ENAH: variants seen among roughly 807,000 people sequenced by gnomAD.
ENAH encodes the protein ENAH actin regulator.
A neutral mutation model predicts 78.7 loss-of-function variants in ENAH; 23 were observed. The ratio of observed to expected loss-of-function variants is 0.29; its 90% confidence interval spans 0.21 to 0.41. The LOEUF is 0.41. Ranked by LOEUF, ENAH falls within the 10% of genes least tolerant of loss-of-function variation. ENAH has a pLI of 1.00. For synonymous variants in ENAH, 226 were observed against 241.0 expected (o/e 0.94, Z 0.58); for missense variants, 544 against 691.0 (o/e 0.79, Z 2.39).
intron 1 of ENAH, among the ~76,000 whole-genome samples, chr1:225,573,773 C>T (rs1474150030): frequency 6.6e-6 from 1 of 152,106 alleles, no homozygotes; most frequent in Non-Finnish European, 1.5e-5. Flanking sequence ...AATGATACTC[C>T]CAGTTAGTAT....
At chr1:225,641,976 G>A (rs1661146803) in intron 1 of ENAH, among the ~76,000 whole-genome samples, 1 of 151,912 alleles carries the variant, frequency 6.6e-6, no homozygotes, top group African/African-American at 2.4e-5. Context: ...AGCCAAGACT[G>A]CACCACTGCA....
At chr1:225,566,140 A>G (rs1156932642) in intron 2 of ENAH, among the ~76,000 whole-genome samples, 3 of 151,232 alleles carry the variant, frequency 2.0e-5, no homozygotes, top group East Asian at 3.9e-4. Flanking sequence ...TTCTCGGGGG[A>G]GCTTCTAAGC....
At chr1:225,517,798 G>A (rs750076018) in intron 5 of ENAH, 18 of 1,551,192 alleles carry the variant, frequency 1.2e-5, no homozygotes, top group Middle Eastern at 3.3e-4. Flanking sequence ...AAAACGTGTC[G>A]CTGAGTGTCG....
intron 4 of ENAH, among the ~76,000 whole-genome samples, chr1:225,525,465 G>A (rs963915414): frequency 7.4e-4 from 112 of 152,208 alleles, no homozygotes; most frequent in Non-Finnish European, 7.4e-5. Context: ...CTATCAACAT[G>A]GTCCAACATA....
chr1:225,572,741 C>A (rs183760212), intron 1 of ENAH, among the ~76,000 whole-genome samples: 2 of 152,154 alleles, frequency 1.3e-5, no homozygotes, highest in African/African-American at 4.8e-5. Flanking sequence ...GAAGCGACTA[C>A]GCAAAAGATT....
chr1:225,517,883 C>T, intron 5 of ENAH: 1 of 1,551,304 alleles, frequency 6.4e-7, no homozygotes, highest in Non-Finnish European at 8.7e-7. Context: ...GCATCTGACA[C>T]TGGAGCTGAG....
At chr1:225,634,411 G>C (rs1659678894) in intron 1 of ENAH, among the ~76,000 whole-genome samples, 1 of 152,162 alleles carries the variant, frequency 6.6e-6, no homozygotes, top group Non-Finnish European at 1.5e-5. Context: ...AGTATGTAGA[G>C]ACATTCTGGT....
At chr1:225,588,151 T>C (rs533959953) in intron 1 of ENAH, among the ~76,000 whole-genome samples, 38 of 152,084 alleles carry the variant, frequency 2.5e-4, no homozygotes, top group African/African-American at 8.4e-4. Context: ...ATAGAGTATA[T>C]AAATTTTTTC....
intron 1 of ENAH, among the ~76,000 whole-genome samples, chr1:225,612,513 G>C (rs1224803411): frequency 6.6e-6 from 1 of 152,122 alleles, no homozygotes; most frequent in Non-Finnish European, 1.5e-5. Flanking sequence ...TAGTGGCAAT[G>C]GTTGCACAAC....
intron 1 of ENAH, among the ~76,000 whole-genome samples, chr1:225,619,756 G>T (rs1575750587): frequency 6.6e-6 from 1 of 152,210 alleles, no homozygotes; most frequent in Non-Finnish European, 1.5e-5. Flanking sequence ...CAGCTATCAG[G>T]TCAATTCTGC....
intron 1 of ENAH, among the ~76,000 whole-genome samples, chr1:225,583,447 A>G (rs1312861052): frequency 4.0e-5 from 6 of 151,284 alleles, no homozygotes; most frequent in Non-Finnish European, 8.8e-5. Flanking sequence ...AAAAAAAAAA[A>G]AAAAAAGAGA....
intron 3 of ENAH, among the ~76,000 whole-genome samples, chr1:225,531,649 C>A (rs1319495167): frequency 6.6e-6 from 1 of 152,062 alleles, no homozygotes; most frequent in African/African-American, 2.4e-5. Context: ...AACAGATATT[C>A]TGAAAGATTT....
At position 225,554,911 on chromosome 1, in the gene ENAH, T is replaced by A; in HGVS notation, c.344A>T (p.Glu115Val). The A allele has an allele frequency of 6.5e-7, 1 of 1,531,716 alleles. No individual in the cohort carries two copies. The highest frequency in any genetic ancestry group is 1.2e-5 in the South Asian group (1 of 80,602). The allele number at this position is 1,531,716 out of a possible 1,614,324, so 94.9% of individuals were successfully genotyped here. A position where few individuals can be genotyped will look rare whatever the true frequency, so the allele number is the denominator to read the frequency against. Reference sequence around the variant, plus strand: ...ATAAACCATGGGCACCTTACCTGTTTCCTGTGAATTTAACACTTCTAAGGC... The same window carrying A: ...ATAAACCATGGGCACCTTACCTGTTACCTGTGAATTTAACACTTCTAAGGC... ...MHALEVLNSQ[E>V]TGPTLPRQNS... The change falls in exon 3 of 14, where the codon GAA becomes GTA. Residue 115 changes from glutamate (E) to valine (V), a missense_variant. Around this residue, in one of 4 missense-constraint regions of ENAH, gnomAD observed 77 missense variants for 151.8 expected, o/e 0.51. Coordinates refer to ENST00000366843, the MANE Select transcript of ENAH (RefSeq NM_018212.6).
intron 1 of ENAH, among the ~76,000 whole-genome samples, chr1:225,647,223 C>T (rs1662142928): frequency 6.6e-6 from 1 of 151,736 alleles, no homozygotes; most frequent in African/African-American, 2.4e-5. Flanking sequence ...GACTCCATCT[C>T]AAAAAACAAA....
At chr1:225,596,050 A>G (rs2096900407) in intron 1 of ENAH, among the ~76,000 whole-genome samples, 1 of 152,184 alleles carries the variant, frequency 6.6e-6, no homozygotes, top group Non-Finnish European at 1.5e-5. Context: ...ACATAATTCT[A>G]TAGCCTCTCA....
rs142656677 is a variant in ENAH at position 225,565,253 on chromosome 1, T to C, written c.171+1996A>G. ...GAGTTCAAAACCAGCCTGACCAACA[T>C]AGAGAAACCCCATCTCTACTAAAAA... On this transcript the variant is annotated intron_variant, in intron 2 of 13. Coordinates refer to ENST00000366843, the MANE Select transcript of ENAH (RefSeq NM_018212.6). Among the ~76,000 whole-genome samples the C allele has an allele frequency of 7.8e-4, 118 of 152,124 alleles. 1 individual carries two copies. The East Asian group carries it at 0.015, about 19-fold the overall frequency.
At position 225,504,078 on chromosome 1, in the gene ENAH, C is replaced by T. The variant is rs146338808; in HGVS notation, c.1539-3008G>A. On this transcript the variant is annotated intron_variant, in intron 11 of 13. Coordinates refer to ENST00000366843, the MANE Select transcript of ENAH (RefSeq NM_018212.6). ...CTAGGGTGCAGTGGTGTTATCATGGCTCACTGCAGCCTCTAACTCCTATGC... is the reference window on the plus strand; with the variant it reads ...CTAGGGTGCAGTGGTGTTATCATGGTTCACTGCAGCCTCTAACTCCTATGC... 4.4e-4 allele frequency among the ~76,000 whole-genome samples: 66 copies of T among 151,570 alleles called. No individual in the cohort carries two copies. In the East Asian group the frequency reaches 0.011, roughly 26 times the overall value.
chr1:225,523,079 C>G (rs1426170428), intron 4 of ENAH, among the ~76,000 whole-genome samples: 1 of 152,052 alleles, frequency 6.6e-6, no homozygotes, highest in African/African-American at 2.4e-5. Flanking sequence ...CCTTCTACAA[C>G]TCCCTCACTA....
chr1:225,639,166 T>C (rs918268093), intron 1 of ENAH, among the ~76,000 whole-genome samples: 2 of 152,012 alleles, frequency 1.3e-5, no homozygotes, highest in Non-Finnish European at 2.9e-5. Flanking sequence ...ACAAAGCAAC[T>C]GAAAAAAATG....
Sources: allele counts gnomAD v4.1 joint callset (sites outside exome capture counted in the v4.1 genomes callset), GRCh38; gene constraint gnomAD v4.1.1; regional missense constraint gnomAD v4.1.1; transcripts MANE v1.5; gene names NCBI Gene and HGNC (gene_info 2026-07-23, HGNC 2026-07-21).